Variants in ASCC2 observed in about 807,000 individuals in gnomAD.
ASCC2 encodes ASC-1 complex subunit P100.
ASCC2 carries 42 observed loss-of-function variants against 93.5 expected under a neutral mutation model. That is an observed-to-expected ratio of 0.45 (90% CI 0.35 to 0.58). The LOEUF (loss-of-function observed/expected upper bound fraction) is 0.58, where lower values mean the gene tolerates loss of function less well. ASCC2 is among the 20% of genes least tolerant of loss of function. The pLI is 0.00. For synonymous variants in ASCC2, 364 were observed against 384.2 expected (o/e 0.95, Z 0.62); for missense variants, 859 against 977.6 (o/e 0.88, Z 1.62).
At chr22:29,823,613 C>T (rs12628028) in intron 4 of ASCC2, among the ~76,000 whole-genome samples, 8,260 of 152,124 alleles carry the variant, frequency 0.054, 275 homozygotes, top group South Asian at 0.098. Context: ...TTTGGGAGGC[C>T]GAGGCAGACG....
At position 29,813,541 on chromosome 22, in the gene ASCC2, T is replaced by C; in HGVS notation, c.722A>G (p.Glu241Gly). The change falls in exon 8 of 20, where the codon GAA becomes GGA. Residue 241 changes from glutamate (E) to glycine (G), a missense_variant and splice_region_variant. Coordinates refer to ENST00000307790, the MANE Select transcript of ASCC2 (RefSeq NM_032204.5). Reference sequence around the variant, plus strand: ...AAGGTAGAGAACAATGTCCTTTAATTCCTGTTGCCAAAAGAATACACTGCA... The same window carrying C: ...AAGGTAGAGAACAATGTCCTTTAATCCCTGTTGCCAAAAGAATACACTGCA... The part of the protein sequence containing the change: ...RLTPSDMPLL[E>G]LKDIVLYLCD... 6.3e-7 allele frequency: 1 copy of C among 1,598,672 alleles called. No homozygotes were observed. The highest frequency in any genetic ancestry group is 1.3e-5 in the African/African-American group (1 of 74,680).
intron 1 of ASCC2, among the ~76,000 whole-genome samples, chr22:29,833,256 A>G (rs1428984996): frequency 6.6e-6 from 1 of 152,212 alleles, no homozygotes; most frequent in African/African-American, 2.4e-5. Flanking sequence ...AAATGTTTGA[A>G]GAATGACTAC....
rs1170770347 is a variant in ASCC2, at chr22:29,788,710, C to T, written c.*303G>A. On this transcript the variant is annotated 3_prime_UTR_variant, in exon 20 of 20. Transcript: ENST00000307790. ...AAAGGGGAAGTGGTGTCTTGTGGCC[C>T]GAGGTTTGGGGCGCTTGCCTTGGGA... The T allele has an allele frequency of 4.6e-6, 2 of 432,606 alleles. No individual in the cohort carries two copies. Among genetic ancestry groups the T allele is most frequent in the Non-Finnish European group, 8.5e-6 (2 of 235,782 alleles). 26.8% of individuals were successfully genotyped at this position (432,606 alleles called of 1,614,324 possible). A position where few individuals can be genotyped will look rare whatever the true frequency, so the allele number is the denominator to read the frequency against.
intron 2 of ASCC2, among the ~76,000 whole-genome samples, chr22:29,829,037 G>A (rs2062792932): frequency 6.6e-6 from 1 of 152,018 alleles, no homozygotes; most frequent in Non-Finnish European, 1.5e-5. Context: ...TTAGCCAGGT[G>A]TAGTGGCACG....
rs2068448325 is a variant in ASCC2, at chr22:29,788,663, C to G, written c.*350G>C. The G allele has an allele frequency of 3.5e-6, 1 of 289,352 alleles. No homozygotes were observed. Among genetic ancestry groups the G allele is most frequent in the African/African-American group, 2.2e-5 (1 of 46,150 alleles). The allele number at this position is 289,352 out of a possible 1,614,324, so 17.9% of individuals were successfully genotyped here. ...AGGACTTTTTGTGTTTTTGAATATA[C>G]AGGTTTCCTGCTGTCCAGGGTAAAG... On this transcript the variant is annotated 3_prime_UTR_variant, in exon 20 of 20. Coordinates refer to ENST00000307790, the MANE Select transcript of ASCC2 (RefSeq NM_032204.5).
intron 13 of ASCC2, among the ~76,000 whole-genome samples, 200 bp from the exon 14 acceptor site, chr22:29,802,408 T>C (rs1260371447): frequency 6.6e-6 from 1 of 152,210 alleles, no homozygotes; most frequent in African/African-American, 2.4e-5. Context: ...GGGCTCGTGA[T>C]TGTTATGATT....
Position 29,792,334 on chromosome 22 carries a change from G to T in ASCC2, c.2022+99C>A, listed in dbSNP as rs1346557504. On this transcript the variant is annotated intron_variant, in intron 18 of 19. Transcript: ENST00000307790. Reference sequence around the variant, plus strand: ...TCCTGTCCCTGCCAGTGATGCTGGGGCTGCCTCAGGGCCAGACATAGGGAG... The same window carrying T: ...TCCTGTCCCTGCCAGTGATGCTGGGTCTGCCTCAGGGCCAGACATAGGGAG... 8 of 1,544,920 alleles carry T rather than the reference G, an allele frequency of 5.2e-6. No individual in the cohort carries two copies. The African/African-American group carries it at 1.1e-4, about 21-fold the overall frequency.
At chr22:29,835,634 T>C (rs2063684345) in intron 1 of ASCC2, among the ~76,000 whole-genome samples, 1 of 152,132 alleles carries the variant, frequency 6.6e-6, no homozygotes, top group Admixed American at 6.5e-5. Flanking sequence ...AGAATTGTAA[T>C]AGTACATAAA....
Position 29,825,120 on chromosome 22 carries a change from G to A in ASCC2, c.378C>T (p.Thr126=), listed in dbSNP as rs1409918677. 6.6e-7 allele frequency: 1 copy of A among 1,525,432 alleles called. No homozygotes were observed. The highest frequency in any genetic ancestry group is 8.8e-7 in the Non-Finnish European group (1 of 1,136,394). The allele number at this position is 1,525,432 out of a possible 1,614,324, so 94.5% of individuals were successfully genotyped here. ...CCTTGTGAGTGGACATGCGGAGGAA[G>A]GTGAGAAAAACACTTCGATGGAGGC... ...QKRLHRSVFL[T]FLRMSTHKES... The change falls in exon 4 of 20, where the codon ACC becomes ACT. Residue 126 remains threonine (T), a synonymous_variant. Transcript: ENST00000307790. This position sits in a 1 kb window ranked among gnomAD's most constrained non-coding sequence, Gnocchi z 4.9.
chr22:29,791,975 G>A (rs1009830221), intron 18 of ASCC2, among the ~76,000 whole-genome samples: 5 of 152,192 alleles, frequency 3.3e-5, no homozygotes, highest in African/African-American at 7.2e-5. Flanking sequence ...GAGCAGTACC[G>A]CGTTTATCTG....
intron 17 of ASCC2, among the ~76,000 whole-genome samples, chr22:29,792,827 C>T (rs1424826550): frequency 6.6e-6 from 1 of 152,114 alleles, no homozygotes; most frequent in Non-Finnish European, 1.5e-5. Context: ...TGTAACATTC[C>T]ACCTGAAAAC....
chr22:29,806,430 C>A, intron 11 of ASCC2, 55 bp downstream of exon 11: 1 of 1,591,700 alleles, frequency 6.3e-7, no homozygotes, highest in South Asian at 1.1e-5. Context: ...TCATGTAAGG[C>A]CTCTTGGGGA....
chr22:29,818,290 C>G (rs2061106987), intron 5 of ASCC2, among the ~76,000 whole-genome samples: 1 of 151,858 alleles, frequency 6.6e-6, no homozygotes, highest in South Asian at 2.1e-4. Context: ...AAAAAGAGAG[C>G]TGCTGTGTAT....
chr22:29,810,202 G>C (rs1385257200), intron 8 of ASCC2: 1 of 152,220 alleles, frequency 6.6e-6, no homozygotes, highest in Non-Finnish European at 1.5e-5. Context: ...TCACTCATGG[G>C]AATTCTTCCT....
intron 12 of ASCC2, 89 bp from the exon 13 acceptor site, chr22:29,804,919 G>C (rs2059506545): frequency 7.1e-7 from 1 of 1,416,466 alleles, no homozygotes; most frequent in Non-Finnish European, 9.8e-7. Flanking sequence ...TGACCACATG[G>C]TTCCTGCCAG....
In ASCC2 at chr22:29,822,622, C is replaced by CT. The variant is rs904304975; in HGVS notation, c.412-159dup. Among the ~76,000 whole-genome samples the CT allele has an allele frequency of 3.3e-3, 453 of 136,624 alleles. 1 individual carries two copies. Among genetic ancestry groups the CT allele is most frequent in the East Asian group, 0.021 (99 of 4,788 alleles). The allele number at this position is 136,624 out of a possible 152,430, so 89.6% of individuals were successfully genotyped here. A position where few individuals can be genotyped will look rare whatever the true frequency, so the allele number is the denominator to read the frequency against. On this transcript the variant is annotated intron_variant, in intron 4 of 19. Transcript: ENST00000307790. ...GAGCAATGGCCATTCTCCCCCCGCC[C>CT]TTTTTTTTTTTTTTTAAATGTTAAT... is the stretch of plus-strand genomic sequence containing the variant.
rs1270906289 is a variant in ASCC2, at chr22:29,832,304, G to A, written c.22C>T (p.Gln8Ter). The A allele has an allele frequency of 6.2e-7, 1 of 1,613,980 alleles. No homozygotes were observed. The highest frequency in any genetic ancestry group is 1.7e-5 in the Admixed American group (1 of 60,002). Residue 8 changes from glutamine (Q) to a stop codon, truncating the protein, a stop_gained, in exon 2 of 20, where the codon CAA becomes TAA. Coordinates refer to ENST00000307790, the MANE Select transcript of ASCC2 (RefSeq NM_032204.5). LOFTEE classifies it high-confidence loss of function. ...GGGTCCTTGTGGGTGATCTGGAGTT[G>A]GTCCAGGGGCAGAGCTGGCATTGTG... MPALPLD[Q>*]LQITHKDPKT...
In ASCC2 at chr22:29,813,308, A is replaced by G. The variant is rs1249576457; in HGVS notation, c.833+122T>C. Reference sequence around the variant, plus strand: ...CTGTCGTTTTCACTGCTGCATCCCCAGGCTGGAAGAGGGACTGGTACATTC... The same window carrying G: ...CTGTCGTTTTCACTGCTGCATCCCCGGGCTGGAAGAGGGACTGGTACATTC... On this transcript the variant is annotated intron_variant, in intron 8 of 19. Coordinates refer to ENST00000307790, the MANE Select transcript of ASCC2 (RefSeq NM_032204.5). 7.0e-6 allele frequency: 5 copies of G among 712,004 alleles called. No homozygotes were observed. The East Asian group carries it at 1.3e-4, about 19-fold the overall frequency. 44.1% of individuals were successfully genotyped at this position (712,004 alleles called of 1,614,324 possible). A position where few individuals can be genotyped will look rare whatever the true frequency, so the allele number is the denominator to read the frequency against.
In ASCC2 at chr22:29,801,074, A is replaced by G; in HGVS notation, c.1605T>C (p.Ser535=). Residue 535 remains serine (S), a synonymous_variant, in exon 15 of 20, where the codon TCT becomes TCC. Coordinates refer to ENST00000307790, the MANE Select transcript of ASCC2 (RefSeq NM_032204.5). ...CGTCATTCTGGAAGACGTTGTGGCG[A>G]GACGTCAGCAGGGGTGTAGGGTCTG... is the stretch of plus-strand genomic sequence containing the variant. ...MKPDPTPLLT[S]RHNVFQNDEF... 6.2e-7 allele frequency: 1 copy of G among 1,608,520 alleles called. No individual in the cohort carries two copies. Among genetic ancestry groups the G allele is most frequent in the East Asian group, 2.2e-5 (1 of 44,650 alleles).
Sources: allele counts gnomAD v4.1 joint callset (sites outside exome capture counted in the v4.1 genomes callset), GRCh38; gene constraint gnomAD v4.1.1; non-coding constraint Gnocchi (gnomAD v3.1); transcripts MANE v1.5; gene names NCBI Gene and HGNC (gene_info 2026-07-23, HGNC 2026-07-21).